The following CACNA2D1 variants were observed in gnomAD, a reference collection of about 807,000 sequenced individuals.
The protein encoded by CACNA2D1 is voltage-dependent calcium channel subunit alpha-2/delta-1.
In CACNA2D1, 53 loss-of-function variants were observed where a neutral mutation model predicts 171.5. The observed-to-expected ratio is 0.31, with a 90% CI of 0.25 to 0.39. The LOEUF (loss-of-function observed/expected upper bound fraction) is 0.39, where lower values mean the gene tolerates loss of function less well. Ranked by LOEUF, CACNA2D1 falls within the 10% of genes least tolerant of loss-of-function variation. The probability of loss-of-function intolerance (pLI) is 1.00; values close to 1 mark genes in which losing one functional copy is unlikely to be tolerated. For synonymous variants in CACNA2D1, 442 were observed against 443.1 expected (o/e 1.00, Z 0.03); for missense variants, 903 against 1,299.8 (o/e 0.69, Z 4.69).
rs770049522 is a variant in CACNA2D1 at position 82,443,346 on chromosome 7, G to C, written c.95+19C>G. 35 of 1,596,110 alleles carry C rather than the reference G, an allele frequency of 2.2e-5. No individual in the cohort carries two copies. The highest frequency in any genetic ancestry group is 2.8e-5 in the Non-Finnish European group (33 of 1,172,016). Reference sequence around the variant, plus strand: ...CGGCGCCCCTCGGCCGGCGCTCCCTGCCCGGCCCGCCGACTTACGTGACGG... The same window carrying C: ...CGGCGCCCCTCGGCCGGCGCTCCCTCCCCGGCCCGCCGACTTACGTGACGG... On this transcript the variant is annotated intron_variant, in intron 1 of 38. Transcript: ENST00000356860.
chr7:81,956,524 C>T (rs910444277), intron 38 of CACNA2D1, among the ~76,000 whole-genome samples: 4 of 152,000 alleles, frequency 2.6e-5, no homozygotes, highest in Non-Finnish European at 5.9e-5. Context: ...CAAATAATTG[C>T]CTATATATCA....
intron 5 of CACNA2D1, among the ~76,000 whole-genome samples, chr7:82,130,768 G>GT (rs1319568058): frequency 1.5e-5 from 2 of 130,746 alleles, no homozygotes; most frequent in South Asian, 5.2e-4. Context: ...TTTAGTGCTT[G>GT]TTTTTTTTGT....
At chr7:82,117,202 T>C (rs1317836040) in intron 5 of CACNA2D1, 29 bp from the exon 6 acceptor site, 3 of 1,609,246 alleles carry the variant, frequency 1.9e-6, no homozygotes, top group African/African-American at 1.3e-5. Context: ...AACAGAATAT[T>C]ACAATTTTTG....
intron 6 of CACNA2D1, among the ~76,000 whole-genome samples, chr7:82,099,405 A>C: frequency 6.8e-6 from 1 of 146,840 alleles, no homozygotes; most frequent in Non-Finnish European, 1.5e-5. Context: ...ATACTCTAAA[A>C]CAGGTAGCAA....
At chr7:82,393,847 T>C (rs1825475671) in intron 1 of CACNA2D1, among the ~76,000 whole-genome samples, 2 of 152,220 alleles carry the variant, frequency 1.3e-5, no homozygotes, top group South Asian at 4.1e-4. Flanking sequence ...ATATATAATT[T>C]GCATACATTG....
At chr7:82,259,415 T>C (rs1279181992) in intron 3 of CACNA2D1, among the ~76,000 whole-genome samples, 1 of 152,192 alleles carries the variant, frequency 6.6e-6, no homozygotes, top group Non-Finnish European at 1.5e-5. Flanking sequence ...TATATAAGTA[T>C]ACCTCATTCG....
Position 82,007,686 on chromosome 7 carries a change from T to G in CACNA2D1, c.1433A>C (p.Asn478Thr), listed in dbSNP as rs745840414. ...TATCAATTAACTTTTAACCTTTAAG[T>G]TTGTCTTATTTTCAAATTGGCCGGT... ...NITGQFENKT[N>T]LKNQLILGVM... The change falls in exon 16 of 39, where the codon AAC becomes ACC. Residue 478 changes from asparagine to threonine, a missense_variant. Transcript: ENST00000356860. 1 of 1,540,260 alleles carries G rather than the reference T, an allele frequency of 6.5e-7. No homozygotes were observed. Among genetic ancestry groups the G allele is most frequent in the African/African-American group, 1.4e-5 (1 of 73,332 alleles).
At chr7:82,026,274 T>A (rs2131078880) in intron 12 of CACNA2D1, among the ~76,000 whole-genome samples, 1 of 151,776 alleles carries the variant, frequency 6.6e-6, no homozygotes, top group South Asian at 2.1e-4. Context: ...TTAATTCATT[T>A]ACATTTAAAA....
At chr7:82,442,834 G>A (rs958455621) in intron 1 of CACNA2D1, among the ~76,000 whole-genome samples, 11 of 152,152 alleles carry the variant, frequency 7.2e-5, no homozygotes, top group African/African-American at 2.4e-4. Flanking sequence ...GCGTCTAATC[G>A]GAAGGCTGTC....
At chr7:82,436,307 T>A (rs2129459440) in intron 1 of CACNA2D1, among the ~76,000 whole-genome samples, 1 of 152,296 alleles carries the variant, frequency 6.6e-6, no homozygotes, top group South Asian at 2.1e-4. Flanking sequence ...GCTGCTTACC[T>A]GCAAGTTATT....
intron 3 of CACNA2D1, among the ~76,000 whole-genome samples, chr7:82,202,896 G>A (rs1200883216): frequency 1.3e-5 from 2 of 152,072 alleles, no homozygotes; most frequent in East Asian, 3.9e-4. Context: ...TGACAGATGT[G>A]GATAGATTTG....
intron 2 of CACNA2D1, 78 bp downstream of exon 2, chr7:82,349,490 G>A: frequency 8.9e-7 from 1 of 1,128,456 alleles, no homozygotes; most frequent in South Asian, 1.2e-5. Context: ...GTAATATAGA[G>A]ACACAGTTTC....
intron 24 of CACNA2D1, among the ~76,000 whole-genome samples, chr7:81,976,349 A>G (rs1795840804): frequency 1.3e-5 from 2 of 152,064 alleles, no homozygotes; most frequent in South Asian, 4.1e-4. Context: ...GGCCATTTTC[A>G]TGATATTGAT....
chr7:82,430,994 G>A (rs928311064), intron 1 of CACNA2D1, among the ~76,000 whole-genome samples: 3 of 152,160 alleles, frequency 2.0e-5, no homozygotes, highest in African/African-American at 4.8e-5. Flanking sequence ...GGTGCTGACT[G>A]AAATGTCACA....
intron 1 of CACNA2D1, among the ~76,000 whole-genome samples, chr7:82,399,567 A>G (rs1401659491): frequency 6.6e-6 from 1 of 152,112 alleles, no homozygotes; most frequent in Non-Finnish European, 1.5e-5. Context: ...CATCGTTTAC[A>G]TTTCCCATTT....
intron 1 of CACNA2D1, among the ~76,000 whole-genome samples, chr7:82,430,965 G>C (rs1488279917): frequency 6.6e-6 from 1 of 152,134 alleles, no homozygotes; most frequent in Non-Finnish European, 1.5e-5. Flanking sequence ...ACTCTCTGTG[G>C]CACAGTTCTC....
chr7:82,264,341 C>T (rs980000712), intron 3 of CACNA2D1, among the ~76,000 whole-genome samples: 6 of 152,144 alleles, frequency 3.9e-5, no homozygotes, highest in African/African-American at 1.2e-4. Flanking sequence ...TATATCTACA[C>T]ACAAAAGATC....
At chr7:82,000,261 A>G (rs1387602628) in intron 18 of CACNA2D1, among the ~76,000 whole-genome samples, 1 of 152,166 alleles carries the variant, frequency 6.6e-6, no homozygotes, top group Non-Finnish European at 1.5e-5. Flanking sequence ...CATCTCAGAA[A>G]AAAAATAAAT....
chr7:81,956,678 A>G (rs1793396957), intron 38 of CACNA2D1, among the ~76,000 whole-genome samples: 1 of 151,978 alleles, frequency 6.6e-6, no homozygotes, highest in East Asian at 1.9e-4. Flanking sequence ...CCCACCCTCT[A>G]TCACCCCTGC....
Sources: gnomAD v4.1 joint callset for allele counts (sites outside exome capture counted in the v4.1 genomes callset) on GRCh38, gnomAD v4.1.1 for gene constraint, MANE v1.5 for transcripts, NCBI Gene and HGNC (gene_info 2026-07-23, HGNC 2026-07-21) for gene names.